FSTL4: variants seen among roughly 807,000 people sequenced by gnomAD.
FSTL4 encodes the protein follistatin like 4, also known as follistatin-related protein 4.
In FSTL4, 28 loss-of-function variants were observed where a neutral mutation model predicts 78.2. The ratio of observed to expected loss-of-function variants is 0.36; its 90% CI spans 0.27 to 0.49. The LOEUF is 0.49. Ranked by LOEUF, FSTL4 falls within the 20% of genes least tolerant of loss-of-function variation. The pLI is 0.98. For synonymous variants in FSTL4, 422 were observed against 440.5 expected, an observed-to-expected ratio of 0.96 and a Z score of 0.53; for missense variants, 922 against 1,084.9, an observed-to-expected ratio of 0.85 and a Z score of 2.11.
chr5:133,223,822 G>A (rs570062613), intron 11 of FSTL4, among the ~76,000 whole-genome samples: 1 of 152,210 alleles, frequency 6.6e-6, no homozygotes, highest in East Asian at 1.9e-4. Flanking sequence ...ATCTAGTAGA[G>A]ATCTACAACT....
chr5:133,373,353 G>C (rs932512109), intron 4 of FSTL4, among the ~76,000 whole-genome samples: 1 of 152,212 alleles, frequency 6.6e-6, no homozygotes, highest in Non-Finnish European at 1.5e-5. Flanking sequence ...ATCTTGGACT[G>C]TGGGAATTAT....
chr5:133,727,601 C>T, the FSTL4 span, among the ~76,000 whole-genome samples: 1 of 152,192 alleles, frequency 6.6e-6, no homozygotes, highest in African/African-American at 2.4e-5. Flanking sequence ...CAAGGAGCCT[C>T]TTCAGGGTCA....
the FSTL4 span, among the ~76,000 whole-genome samples, chr5:133,719,642 C>T: frequency 3.5e-3 from 516 of 145,736 alleles, 5 homozygotes; most frequent in African/African-American, 0.013. Flanking sequence ...CATTGCACTC[C>T]AGCCTGGGCA....
chr5:133,490,847 A>T (rs112464390), intron 3 of FSTL4, among the ~76,000 whole-genome samples: 1 of 152,240 alleles, frequency 6.6e-6, no homozygotes, highest in Non-Finnish European at 1.5e-5. Flanking sequence ...AGTTTTACAT[A>T]TAATGAATGG....
intron 3 of FSTL4, among the ~76,000 whole-genome samples, chr5:133,527,488 C>T (rs1204995670): frequency 6.6e-6 from 1 of 151,750 alleles, no homozygotes; most frequent in East Asian, 1.9e-4. Context: ...CACACACACA[C>T]ACACACACAC....
the FSTL4 span, among the ~76,000 whole-genome samples, chr5:133,824,938 G>T: frequency 6.6e-6 from 1 of 151,748 alleles, no homozygotes; most frequent in Non-Finnish European, 1.5e-5. Flanking sequence ...CCCCTTCAGA[G>T]GGTGGCTGTG....
chr5:133,500,728 A>G (rs1580749045), intron 3 of FSTL4, among the ~76,000 whole-genome samples: 1 of 152,250 alleles, frequency 6.6e-6, no homozygotes, highest in East Asian at 1.9e-4. Context: ...GTAAAAGCTG[A>G]TAAAATAGCC....
chr5:133,806,624 C>T, the FSTL4 span, among the ~76,000 whole-genome samples: 1 of 152,194 alleles, frequency 6.6e-6, no homozygotes, highest in African/African-American at 2.4e-5. Context: ...TGCACAGTAA[C>T]AGGAACAAAC....
At chr5:133,496,766 C>T (rs559559280) in intron 3 of FSTL4, among the ~76,000 whole-genome samples, 28 of 152,254 alleles carry the variant, frequency 1.8e-4, no homozygotes, top group East Asian at 3.9e-4. Context: ...TTCTAAGGGA[C>T]GCTCAAACCA....
intron 4 of FSTL4, among the ~76,000 whole-genome samples, chr5:133,374,143 CT>C (rs1454071831): frequency 1.3e-5 from 2 of 152,236 alleles, no homozygotes; most frequent in Non-Finnish European, 2.9e-5. Context: ...GCCCCCTCCC[CT>C]GGCTTCCCTA....
chr5:133,282,355 G>GGAA lies in FSTL4; in HGVS notation c.727+30298_727+30299insTTC, dbSNP rs558607355. On this transcript the variant is annotated intron_variant, in intron 6 of 15. Transcript: ENST00000265342. ...GGGCCCCAGAGGAGTCTTCCTGGTA[G>GGAA]ATCCTTGCATGTTCCAGGGTAGGAA... Among the ~76,000 whole-genome samples, 155 of 152,316 alleles carry GGAA rather than the reference G, an allele frequency of 1.0e-3. 3 individuals are homozygous for GGAA. The highest frequency in any genetic ancestry group is 3.5e-3 in the African/African-American group (144 of 41,582).
chr5:133,409,737 G>T (rs1273246391), intron 3 of FSTL4, among the ~76,000 whole-genome samples: 1 of 152,244 alleles, frequency 6.6e-6, no homozygotes, highest in Non-Finnish European at 1.5e-5. Context: ...ATCTGATGAA[G>T]ATGCTGCAGA....
intron 6 of FSTL4, among the ~76,000 whole-genome samples, chr5:133,277,196 A>G (rs1752902940): frequency 6.6e-6 from 1 of 152,108 alleles, no homozygotes; most frequent in Non-Finnish European, 1.5e-5. Context: ...TGCCCCTGTA[A>G]TCCCAGCTAC....
intron 4 of FSTL4, among the ~76,000 whole-genome samples, chr5:133,355,172 G>A (rs1015236157): frequency 2.6e-5 from 4 of 152,240 alleles, no homozygotes; most frequent in Admixed American, 6.5e-5. Flanking sequence ...TGTGCTAGAC[G>A]TCTGTGCAGC....
chr5:133,534,409 T>G (rs1428527401), intron 3 of FSTL4, among the ~76,000 whole-genome samples: 1 of 152,212 alleles, frequency 6.6e-6, no homozygotes, highest in African/African-American at 2.4e-5. Flanking sequence ...GGATAAAAAG[T>G]GGATCTTTTC....
intron 3 of FSTL4, among the ~76,000 whole-genome samples, chr5:133,548,907 T>C (rs1759635868): frequency 6.6e-6 from 1 of 152,170 alleles, no homozygotes; most frequent in South Asian, 2.1e-4. Flanking sequence ...AAATTCTAGA[T>C]TGACCAATGT....
At chr5:133,703,506 C>T in the FSTL4 span, among the ~76,000 whole-genome samples, 255 of 152,276 alleles carry the variant, frequency 1.7e-3, no homozygotes, top group Middle Eastern at 0.01. Flanking sequence ...CTGCAGCAGG[C>T]CCAACTGACG....
At chr5:133,416,791 A>C (rs1756587578) in intron 3 of FSTL4, among the ~76,000 whole-genome samples, 1 of 152,226 alleles carries the variant, frequency 6.6e-6, no homozygotes, top group Non-Finnish European at 1.5e-5. Flanking sequence ...AAGGACATAA[A>C]GATCAAGGAA....
chr5:133,345,162 A>G (rs555802899), intron 4 of FSTL4, among the ~76,000 whole-genome samples: 48 of 152,276 alleles, frequency 3.2e-4, no homozygotes, highest in African/African-American at 1.1e-3. Context: ...CATTTCTTGT[A>G]TACTGAAAAT....
Sources: allele counts gnomAD v4.1 joint callset (sites outside exome capture counted in the v4.1 genomes callset), GRCh38; gene constraint gnomAD v4.1.1; transcripts MANE v1.5; gene names NCBI Gene and HGNC (gene_info 2026-07-23, HGNC 2026-07-21).